Variants in GAP43 observed in about 807,000 individuals in gnomAD.
GAP43 encodes the protein neuromodulin.
In GAP43, 6 loss-of-function variants were observed where a neutral mutation model predicts 18.6. The observed-to-expected ratio is 0.32, with a 90% confidence interval of 0.18 to 0.64. The LOEUF is 0.64. Ranked by LOEUF, GAP43 falls within the 30% of genes least tolerant of loss-of-function variation. The pLI, the probability that GAP43 is intolerant of heterozygous loss-of-function variation, is 0.78. For missense variants in GAP43, 292 were observed against 295.5 expected (o/e 0.99, Z 0.09); for synonymous variants, 115 against 111.4 (o/e 1.03, Z -0.20).
intron 2 of GAP43, among the ~76,000 whole-genome samples, chr3:115,683,916 A>AT (rs1399069131): frequency 1.3e-5 from 2 of 152,226 alleles, no homozygotes; most frequent in African/African-American, 4.8e-5. Context: ...GAAATGGGCT[A>AT]TTGAACGTCC....
chr3:115,695,520 C>A (rs1301358293), intron 2 of GAP43, among the ~76,000 whole-genome samples: 1 of 152,118 alleles, frequency 6.6e-6, no homozygotes, highest in South Asian at 2.1e-4. Context: ...ACACAGCAAC[C>A]CTATGAGGTA....
chr3:115,716,759 T>C (rs1965138), intron 2 of GAP43, among the ~76,000 whole-genome samples: 9,461 of 107,644 alleles, frequency 0.088, 598 homozygotes, highest in South Asian at 0.15. Flanking sequence ...TATATATATA[T>C]ATATATATAC....
chr3:115,646,178 T>C (rs1415338017), intron 1 of GAP43, among the ~76,000 whole-genome samples: 1 of 152,130 alleles, frequency 6.6e-6, no homozygotes, highest in South Asian at 2.1e-4. Flanking sequence ...CAGCCTTAGA[T>C]AAACAGATTG....
intron 2 of GAP43, among the ~76,000 whole-genome samples, chr3:115,702,052 G>A (rs543079678): frequency 6.6e-6 from 1 of 152,174 alleles, no homozygotes; most frequent in South Asian, 2.1e-4. Flanking sequence ...GGCCAATCTG[G>A]TTACACTTGT....
chr3:115,625,652 A>G (rs150610148), intron 1 of GAP43, among the ~76,000 whole-genome samples: 1 of 152,202 alleles, frequency 6.6e-6, no homozygotes, highest in Admixed American at 6.5e-5. Context: ...GAAATCATGT[A>G]TGATTTTTAG....
chr3:115,642,241 T>A (rs1708406260), intron 1 of GAP43, among the ~76,000 whole-genome samples: 1 of 152,096 alleles, frequency 6.6e-6, no homozygotes, highest in Non-Finnish European at 1.5e-5. Flanking sequence ...GTTTTCCACC[T>A]TTTGACTCTT....
intron 2 of GAP43, among the ~76,000 whole-genome samples, chr3:115,677,860 C>T (rs1708913022): frequency 1.3e-5 from 2 of 152,070 alleles, no homozygotes; most frequent in Admixed American, 1.3e-4. Flanking sequence ...TATACATTTC[C>T]CCAAAATCAG....
At chr3:115,691,286 G>T (rs1423166866) in intron 2 of GAP43, among the ~76,000 whole-genome samples, 1 of 152,178 alleles carries the variant, frequency 6.6e-6, no homozygotes, top group Non-Finnish European at 1.5e-5. Context: ...CAACAAACAT[G>T]AATTTAGCCA....
At chr3:115,671,888 C>G (rs1231912452) in intron 1 of GAP43, among the ~76,000 whole-genome samples, 2 of 152,154 alleles carry the variant, frequency 1.3e-5, no homozygotes, top group Non-Finnish European at 2.9e-5. Flanking sequence ...GATCAGGTGT[C>G]TACTGCAAAT....
intron 2 of GAP43, among the ~76,000 whole-genome samples, chr3:115,697,624 A>G (rs1232716440): frequency 6.6e-6 from 1 of 152,170 alleles, no homozygotes; most frequent in East Asian, 1.9e-4. Flanking sequence ...CTTTCAATGC[A>G]AAGGATATAG....
At chr3:115,658,504 G>A (rs944934678) in intron 1 of GAP43, 1 of 152,170 alleles carries the variant, frequency 6.6e-6, no homozygotes, top group Non-Finnish European at 1.5e-5. Flanking sequence ...CCCGGCTGCC[G>A]TCAGTCACCG....
chr3:115,687,970 G>A (rs1474385013), intron 2 of GAP43, among the ~76,000 whole-genome samples: 3 of 151,810 alleles, frequency 2.0e-5, no homozygotes, highest in African/African-American at 7.3e-5. Flanking sequence ...AATGGAATTT[G>A]AGTGACTCAC....
chr3:115,656,524 G>A (rs1413636347), intron 1 of GAP43, among the ~76,000 whole-genome samples: 3 of 152,168 alleles, frequency 2.0e-5, no homozygotes, highest in Non-Finnish European at 2.9e-5. Flanking sequence ...TGAGGGTGGG[G>A]AATCCCTGAT....
chr3:115,702,208 A>G (rs1292030834), intron 2 of GAP43, among the ~76,000 whole-genome samples: 1 of 152,150 alleles, frequency 6.6e-6, no homozygotes, highest in African/African-American at 2.4e-5. Context: ...GATGGATATG[A>G]ACAAGGAGTT....
intron 1 of GAP43, among the ~76,000 whole-genome samples, chr3:115,659,989 T>C (rs1708637375): frequency 6.6e-6 from 1 of 152,208 alleles, no homozygotes; most frequent in Admixed American, 6.5e-5. Flanking sequence ...GGGAGACATT[T>C]CTTTAGAATC....
Position 115,676,190 on chromosome 3 carries a change from G to A in GAP43, c.208G>A (p.Asp70Asn). 1 of 1,614,178 alleles carries A rather than the reference G, an allele frequency of 6.2e-7. No homozygotes were observed. The highest frequency in any genetic ancestry group is 8.5e-7 in the Non-Finnish European group (1 of 1,180,040). ...TGCTGAGGCTGAAGCTAATAAGAAG[G>A]ATGAAGCCCCTGTTGCCGATGGGGT... Reference protein sequence around the residue: ...QAAEAEANKKDEAPVADGVEK... With the variant: ...QAAEAEANKKNEAPVADGVEK... Residue 70 changes from aspartate to asparagine, a missense_variant, in exon 2 of 3, where the codon GAT becomes AAT. By Grantham distance (23) the Asp-to-Asn change is conservative. Coordinates refer to ENST00000305124, the MANE Select transcript of GAP43 (RefSeq NM_002045.4).
intron 2 of GAP43, among the ~76,000 whole-genome samples, chr3:115,677,183 G>T (rs541845583): frequency 6.8e-4 from 103 of 152,270 alleles, no homozygotes; most frequent in African/African-American, 2.3e-3. Context: ...GTATATGTGG[G>T]TATGCTCAGA....
At chr3:115,637,116 C>A (rs1015494016) in intron 1 of GAP43, among the ~76,000 whole-genome samples, 1 of 152,036 alleles carries the variant, frequency 6.6e-6, no homozygotes, top group Non-Finnish European at 1.5e-5. Flanking sequence ...TCCTGACTAA[C>A]ACAGTTCTCC....
chr3:115,627,623 G>A (rs1708207344), intron 1 of GAP43, among the ~76,000 whole-genome samples: 1 of 152,136 alleles, frequency 6.6e-6, no homozygotes, highest in South Asian at 2.1e-4. Flanking sequence ...TATTGATAAA[G>A]TAAGACAAGT....
Sources: allele counts gnomAD v4.1 joint callset (sites outside exome capture counted in the v4.1 genomes callset), GRCh38; gene constraint gnomAD v4.1.1; transcripts MANE v1.5; gene names NCBI Gene and HGNC (gene_info 2026-07-23, HGNC 2026-07-21).